MYO9B: variants seen among roughly 807,000 people sequenced by gnomAD.
MYO9B encodes the protein myosin IXB.
In MYO9B, 71 loss-of-function variants were observed where a neutral mutation model predicts 229.5. That is an observed-to-expected ratio of 0.31 (90% CI 0.26 to 0.38). MYO9B has a LOEUF of 0.38. MYO9B is among the 10% of genes least tolerant of loss of function. The probability of loss-of-function intolerance (pLI) is 1.00; values close to 1 mark genes in which losing one functional copy is unlikely to be tolerated. For missense variants in MYO9B, 2,255 were observed against 2,920.5 expected (o/e 0.77, Z 5.25); for synonymous variants, 1,185 against 1,235.8 (o/e 0.96, Z 0.86).
chr19:17,196,544 G>A (rs957171695), intron 22 of MYO9B, among the ~76,000 whole-genome samples: 6 of 152,208 alleles, frequency 3.9e-5, no homozygotes, highest in South Asian at 4.2e-4. Context: ...TTAGCTGGGC[G>A]TGGTGGCGCA....
intron 30 of MYO9B, 138 bp from the exon 31 acceptor site, chr19:17,205,125 T>C (rs2073145460): frequency 1.6e-6 from 1 of 622,798 alleles, no homozygotes; most frequent in East Asian, 2.8e-5. Context: ...CGCTCTAGCC[T>C]GAGAACAAGA....
chr19:17,090,919 A>G (rs2057631893), intron 1 of MYO9B, among the ~76,000 whole-genome samples: 1 of 152,148 alleles, frequency 6.6e-6, no homozygotes, highest in Admixed American at 6.6e-5. Flanking sequence ...GGTATTTTCC[A>G]AGGGCAGGTT....
chr19:17,113,449 C>T (rs1220273700), intron 2 of MYO9B, among the ~76,000 whole-genome samples: 1 of 152,146 alleles, frequency 6.6e-6, no homozygotes, highest in Non-Finnish European at 1.5e-5. Context: ...CCCCTGCTCG[C>T]CCTGCGAGCG....
At chr19:17,162,283 T>C in intron 8 of MYO9B, 67 bp from the exon 9 acceptor site, 1 of 1,340,122 alleles carries the variant, frequency 7.5e-7, no homozygotes, top group Non-Finnish European at 1.0e-6. Flanking sequence ...CCAGCCTGGA[T>C]GACAGAGCAA....
intron 2 of MYO9B, among the ~76,000 whole-genome samples, chr19:17,127,915 A>G (rs1160407845): frequency 2.0e-5 from 3 of 152,178 alleles, no homozygotes; most frequent in African/African-American, 4.8e-5. Context: ...TTAATCCTCC[A>G]TCTGCTAAGG....
intron 14 of MYO9B, among the ~76,000 whole-genome samples, chr19:17,177,284 TGG>T (rs2072800938): frequency 6.8e-6 from 1 of 147,862 alleles, no homozygotes. Flanking sequence ...TTTTGTTTGT[TGG>T]TTTTTTTTTT....
In MYO9B at chr19:17,212,147, C is replaced by T. The variant is rs1248701804; in HGVS notation, c.6311C>T (p.Pro2104Leu). Residue 2104 changes from proline (P) to leucine (L), a missense_variant, in exon 40 of 40, where the codon CCG becomes CTG. Physicochemically the swap from Pro to Leu is moderately conservative, Grantham distance 98. Around this residue, in one of 7 missense-constraint regions of MYO9B, gnomAD observed 331 missense variants for 332.5 expected, o/e 1.00. Transcript: ENST00000682292. This position sits in a 1 kb window ranked among gnomAD's most constrained non-coding sequence, Gnocchi z 5.4. ...CGCCGGGAGCCACCTGCCCGCCGCC[C>T]GGACCAGATACATTCCGTGTACATC... ...VRRREPPARR[P>L]DQIHSVYITP... 8 of 1,587,560 alleles carry T rather than the reference C, an allele frequency of 5.0e-6. No individual in the cohort carries two copies. Among genetic ancestry groups the T allele is most frequent in the Middle Eastern group, 3.3e-4 (2 of 6,036 alleles).
At chr19:17,145,005 T>C (rs963969578) in intron 2 of MYO9B, among the ~76,000 whole-genome samples, 2 of 134,622 alleles carry the variant, frequency 1.5e-5, no homozygotes, top group African/African-American at 5.4e-5. Context: ...AAAGAAAAAA[T>C]AGAGACTGGG....
chr19:17,131,518 C>T (rs1173849660), intron 2 of MYO9B, among the ~76,000 whole-genome samples: 4 of 152,258 alleles, frequency 2.6e-5, no homozygotes, highest in African/African-American at 9.6e-5. Context: ...ATCTGCCCGC[C>T]TCAGCCTCCC....
At position 17,210,949 on chromosome 19, in the gene MYO9B, T is replaced by C. The variant is rs1023080488; in HGVS notation, c.5930+101T>C. Reference sequence around the variant, plus strand: ...CGCTTGACCTCGCCAGGTTTGGTCCTGTCATCCCTAACACTGGGCAAACAA... The same window carrying C: ...CGCTTGACCTCGCCAGGTTTGGTCCCGTCATCCCTAACACTGGGCAAACAA... On this transcript the variant is annotated intron_variant, in intron 38 of 39. Transcript: ENST00000682292. 53 of 1,307,084 alleles carry C rather than the reference T, an allele frequency of 4.1e-5. 1 individual carries two copies. The highest frequency in any genetic ancestry group is 5.3e-5 in the Non-Finnish European group (50 of 943,730). The allele number at this position is 1,307,084 out of a possible 1,614,324, so 81.0% of individuals were successfully genotyped here.
chr19:17,205,773 CTG>C, intron 31 of MYO9B, among the ~76,000 whole-genome samples, 185 bp from the exon 32 acceptor site: 1 of 152,190 alleles, frequency 6.6e-6, no homozygotes. Context: ...TGCCCAGTGG[CTG>C]CCATGCTGGC....
At chr19:17,130,433 C>T (rs1281399512) in intron 2 of MYO9B, among the ~76,000 whole-genome samples, 1 of 152,058 alleles carries the variant, frequency 6.6e-6, no homozygotes, top group Non-Finnish European at 1.5e-5. Flanking sequence ...CTGGCTAACA[C>T]AGTGAAACCC....
At chr19:17,211,153 G>T (rs1025930684) in intron 38 of MYO9B, among the ~76,000 whole-genome samples, 4 of 151,836 alleles carry the variant, frequency 2.6e-5, no homozygotes, top group African/African-American at 9.7e-5. Context: ...TGCTAATTTT[G>T]TGTTTTTAAT....
Position 17,145,434 on chromosome 19 carries a change from C to G in MYO9B, c.878C>G (p.Ser293Cys). 1 of 1,613,976 alleles carries G rather than the reference C, an allele frequency of 6.2e-7. No homozygotes were observed. The highest frequency in any genetic ancestry group is 8.5e-7 in the Non-Finnish European group (1 of 1,179,884). ...GCCAAGACAGCCCACAACAACAACT[C>G]CAGCCGGTTTGGGAAATTCATCCAA... ...GNAKTAHNNN[S>C]SRFGKFIQVS... Residue 293 changes from serine (S) to cysteine (C), a missense_variant, in exon 3 of 40, where the codon TCC becomes TGC. Coordinates refer to ENST00000682292, the MANE Select transcript of MYO9B (RefSeq NM_004145.4).
chr19:17,093,879 A>ATTTG (rs1568656702), intron 1 of MYO9B, among the ~76,000 whole-genome samples: 1 of 150,714 alleles, frequency 6.6e-6, no homozygotes, highest in Non-Finnish European at 1.5e-5. Flanking sequence ...TTATTTATTT[A>ATTTG]TTTATTTATT....
At position 17,207,414 on chromosome 19, in the gene MYO9B, C is replaced by G. The variant is rs1285006157; in HGVS notation, c.5624+170C>G. On this transcript the variant is annotated intron_variant, in intron 35 of 39. Transcript: ENST00000682292. ...TTGGGAGGCCAAGGCAAGAGGATCA[C>G]TTGAGGCCAGGAGTTCGAGACCAGC... The G allele has an allele frequency of 5.7e-6, 5 of 882,866 alleles. No individual in the cohort carries two copies. In the South Asian group the frequency reaches 7.7e-5, roughly 14 times the overall value. 54.7% of individuals were successfully genotyped at this position (882,866 alleles called of 1,614,324 possible).
chr19:17,184,462 G>T (rs1041163130), intron 16 of MYO9B: 1 of 183,582 alleles, frequency 5.4e-6, no homozygotes, highest in East Asian at 1.5e-4. Flanking sequence ...ACACATGATG[G>T]TGGCCTGTCC....
At chr19:17,192,717 C>G in intron 20 of MYO9B, 29 bp from the exon 21 acceptor site, 1 of 1,492,882 alleles carries the variant, frequency 6.7e-7, no homozygotes, top group East Asian at 2.5e-5. Flanking sequence ...GGCAGTGCAG[C>G]TGACCCCACC....
intron 38 of MYO9B, 137 bp downstream of exon 38, chr19:17,210,985 T>TTG: frequency 1.1e-6 from 1 of 937,084 alleles, no homozygotes. Flanking sequence ...CACTTTTTTT[T>TTG]TTTTTTTTTT....
Sources: allele counts gnomAD v4.1 joint callset (sites outside exome capture counted in the v4.1 genomes callset), GRCh38; gene constraint gnomAD v4.1.1; regional missense constraint gnomAD v4.1.1; non-coding constraint Gnocchi (gnomAD v3.1); transcripts MANE v1.5; gene names NCBI Gene and HGNC (gene_info 2026-07-23, HGNC 2026-07-21).